RAB28: variants seen among roughly 807,000 people sequenced by gnomAD.
RAB28 encodes the protein ras-related protein Rab-28.
RAB28 carries 24 observed loss-of-function variants against 31.7 expected under a neutral mutation model. The ratio of observed to expected loss-of-function variants is 0.76; its 90% confidence interval spans 0.55 to 1.06. The LOEUF (loss-of-function observed/expected upper bound fraction) is 1.06. RAB28 is among the 50% of genes least tolerant of loss of function. RAB28 has a pLI of 0.00. For missense variants in RAB28, 254 were observed against 258.5 expected (o/e 0.98, Z 0.12); for synonymous variants, 100 against 90.4 (o/e 1.11, Z -0.60).
At chr4:13,420,730 T>C (rs1453955519) in intron 4 of RAB28, among the ~76,000 whole-genome samples, 1 of 152,180 alleles carries the variant, frequency 6.6e-6, no homozygotes, top group Non-Finnish European at 1.5e-5. Context: ...AAACTTTCAA[T>C]GAACTAGGTA....
At chr4:13,383,316 T>C (rs1729215312) in intron 4 of RAB28, among the ~76,000 whole-genome samples, 1 of 152,222 alleles carries the variant, frequency 6.6e-6, no homozygotes, top group Non-Finnish European at 1.5e-5. Flanking sequence ...GTTGTGTCAC[T>C]TAATGTGTGT....
At chr4:13,370,656 T>G (rs1487891567) in intron 6 of RAB28, 6 of 984,680 alleles carry the variant, frequency 6.1e-6, no homozygotes, top group Non-Finnish European at 6.0e-6. Context: ...TTAATACTAT[T>G]TATTACTTGT....
intron 4 of RAB28, among the ~76,000 whole-genome samples, chr4:13,445,831 G>C (rs934266314): frequency 1.3e-5 from 2 of 152,228 alleles, no homozygotes; most frequent in African/African-American, 4.8e-5. Flanking sequence ...GAGGCACAGG[G>C]TCAGGGACCT....
At chr4:13,427,868 C>T (rs1300908726) in intron 4 of RAB28, among the ~76,000 whole-genome samples, 1 of 152,150 alleles carries the variant, frequency 6.6e-6, no homozygotes, top group East Asian at 1.9e-4. Context: ...CGACAAAACC[C>T]CACAGACACC....
chr4:13,423,469 G>C (rs1713292814), intron 4 of RAB28, among the ~76,000 whole-genome samples: 1 of 151,196 alleles, frequency 6.6e-6, no homozygotes, highest in South Asian at 2.1e-4. Flanking sequence ...TGGGCAACAA[G>C]TGAAACTCCG....
intron 4 of RAB28, among the ~76,000 whole-genome samples, chr4:13,423,927 A>T (rs1428551396): frequency 6.6e-6 from 1 of 152,154 alleles, no homozygotes; most frequent in African/African-American, 2.4e-5. Flanking sequence ...ACCTATTTGG[A>T]CAAAGTCATA....
intron 4 of RAB28, among the ~76,000 whole-genome samples, chr4:13,460,336 G>C (rs1410010918): frequency 6.6e-6 from 1 of 152,186 alleles, no homozygotes; most frequent in Non-Finnish European, 1.5e-5. Flanking sequence ...ACATGGCAGA[G>C]AGAATTATCT....
At chr4:13,434,843 AC>A (rs1422514427) in intron 4 of RAB28, among the ~76,000 whole-genome samples, 3 of 151,878 alleles carry the variant, frequency 2.0e-5, no homozygotes, top group African/African-American at 2.4e-5. Context: ...ATATGGTGAA[AC>A]CCTGTCTCTA....
chr4:13,461,123 A>G (rs898822039), intron 3 of RAB28, among the ~76,000 whole-genome samples: 7 of 152,226 alleles, frequency 4.6e-5, no homozygotes, highest in Non-Finnish European at 7.3e-5. Flanking sequence ...TACAGTAAAT[A>G]TAAGAAAATC....
At chr4:13,403,338 G>A (rs1711886450) in intron 4 of RAB28, among the ~76,000 whole-genome samples, 1 of 152,162 alleles carries the variant, frequency 6.6e-6, no homozygotes, top group Admixed American at 6.5e-5. Flanking sequence ...CAGGTCATGG[G>A]TCATAGTTTG....
intron 3 of RAB28, among the ~76,000 whole-genome samples, chr4:13,469,018 G>A (rs183210268): frequency 6.6e-6 from 1 of 151,918 alleles, no homozygotes; most frequent in Non-Finnish European, 1.5e-5. Context: ...GACTCTCAGG[G>A]CCTCTACTCA....
intron 3 of RAB28, among the ~76,000 whole-genome samples, chr4:13,469,470 T>C (rs1255892537): frequency 1.3e-5 from 2 of 152,000 alleles, no homozygotes; most frequent in African/African-American, 4.8e-5. Context: ...AAATCCCTCT[T>C]CAACAATAGT....
chr4:13,427,618 G>T (rs914028825), intron 4 of RAB28, among the ~76,000 whole-genome samples: 17 of 152,252 alleles, frequency 1.1e-4, no homozygotes, highest in African/African-American at 4.1e-4. Context: ...AAATCTGTAT[G>T]GGTTTCCTTC....
intron 4 of RAB28, among the ~76,000 whole-genome samples, chr4:13,427,298 A>G (rs778664314): frequency 8.5e-5 from 13 of 152,354 alleles, no homozygotes; most frequent in Middle Eastern, 3.4e-3. Flanking sequence ...TAACTAGGAC[A>G]AGATTTTCCT....
chr4:13,373,858 T>C (rs2108875522), intron 6 of RAB28, among the ~76,000 whole-genome samples: 1 of 152,202 alleles, frequency 6.6e-6, no homozygotes, highest in Non-Finnish European at 1.5e-5. Context: ...TAATACAAAG[T>C]ACTTTCAAAC....
chr4:13,420,187 C>A (rs983109078), intron 4 of RAB28, among the ~76,000 whole-genome samples: 1 of 152,120 alleles, frequency 6.6e-6, no homozygotes, highest in Non-Finnish European at 1.5e-5. Context: ...GAAACATACA[C>A]CCTCCCAAGA....
At chr4:13,403,779 T>C (rs960540934) in intron 4 of RAB28, among the ~76,000 whole-genome samples, 6 of 152,210 alleles carry the variant, frequency 3.9e-5, no homozygotes, top group South Asian at 4.1e-4. Flanking sequence ...AATAAATGAA[T>C]GAATACTTTA....
Position 13,445,123 on chromosome 4 carries a change from AGAT to A in RAB28, c.391+15573_391+15575del, listed in dbSNP as rs543595329. ...CTTGTCTGCATGCCTTATTTCCACA[AGAT>A]GGTCTTCAAACTCTGAAATCCTTTC... On this transcript the variant is annotated intron_variant, in intron 4 of 6. Coordinates refer to ENST00000330852, the MANE Select transcript of RAB28 (RefSeq NM_001017979.3). Among the ~76,000 whole-genome samples the A allele has an allele frequency of 9.9e-5, 15 of 151,788 alleles. No individual in the cohort carries two copies. In the East Asian group the frequency reaches 2.9e-3, roughly 30 times the overall value.
chr4:13,465,754 A>AAC (rs33979911), intron 3 of RAB28, among the ~76,000 whole-genome samples: 17,521 of 142,054 alleles, frequency 0.12, 1,139 homozygotes, highest in South Asian at 0.22. Context: ...GGCAATCATG[A>AAC]ACACACACAC....
Sources: allele counts gnomAD v4.1 joint callset (sites outside exome capture counted in the v4.1 genomes callset), GRCh38; gene constraint gnomAD v4.1.1; transcripts MANE v1.5; gene names NCBI Gene and HGNC (gene_info 2026-07-23, HGNC 2026-07-21).